Variants in ABL1 observed in about 807,000 individuals in gnomAD.
The protein encoded by ABL1 is tyrosine-protein kinase ABL1.
In ABL1, 11 loss-of-function variants were observed where a neutral mutation model predicts 94.7. That is an observed-to-expected ratio of 0.12 (90% CI 0.07 to 0.19). The LOEUF (loss-of-function observed/expected upper bound fraction) is 0.19. ABL1 is among the 10% of genes least tolerant of loss of function. The pLI is 1.00. For missense variants in ABL1, 1,082 were observed against 1,489.4 expected (o/e 0.73, Z 4.50); for synonymous variants, 656 against 622.4 (o/e 1.05, Z -0.80).
At chr9:130,848,435 G>A (rs1045718756) in intron 1 of ABL1, among the ~76,000 whole-genome samples, 13 of 138,130 alleles carry the variant, frequency 9.4e-5, no homozygotes, top group Non-Finnish European at 6.3e-5. Context: ...GGAGAATCAC[G>A]TGAACCTGGG....
chr9:130,769,387 A>G (rs887751876), intron 1 of ABL1, among the ~76,000 whole-genome samples: 3 of 128,288 alleles, frequency 2.3e-5, no homozygotes, highest in African/African-American at 9.1e-5. Context: ...GCTGGAGTGC[A>G]ATGGTGCTAT....
intron 1 of ABL1, among the ~76,000 whole-genome samples, chr9:130,778,808 A>G (rs1213143363): frequency 6.6e-6 from 1 of 151,950 alleles, no homozygotes; most frequent in African/African-American, 2.4e-5. Context: ...TCAGTCCACC[A>G]TCTTGACCGG....
intron 1 of ABL1, among the ~76,000 whole-genome samples, chr9:130,853,664 C>G (rs1830924183): frequency 6.6e-6 from 1 of 152,186 alleles, no homozygotes; most frequent in South Asian, 2.1e-4. Context: ...ATCCACCCAC[C>G]TTGGCCTCCC....
chr9:130,748,854 G>A (rs1158615062), intron 1 of ABL1, among the ~76,000 whole-genome samples: 1 of 152,184 alleles, frequency 6.6e-6, no homozygotes, highest in African/African-American at 2.4e-5. Flanking sequence ...TGGGATTGCA[G>A]GCGTGAGCCA....
chr9:130,719,045 A>T (rs139973969), intron 1 of ABL1, among the ~76,000 whole-genome samples: 1 of 152,156 alleles, frequency 6.6e-6, no homozygotes, highest in East Asian at 1.9e-4. Context: ...TTGTAAAACA[A>T]AAATATCTGT....
intron 1 of ABL1, among the ~76,000 whole-genome samples, chr9:130,815,290 T>C (rs1159039393): frequency 3.3e-5 from 5 of 151,262 alleles, no homozygotes; most frequent in South Asian, 2.1e-4. Flanking sequence ...GCTGAGATCA[T>C]GCCACCGCAC....
chr9:130,808,652 A>T (rs1187274517), intron 1 of ABL1, among the ~76,000 whole-genome samples: 2 of 152,208 alleles, frequency 1.3e-5, no homozygotes, highest in East Asian at 3.8e-4. Flanking sequence ...AAAATAAGAC[A>T]GTTTCACCTT....
chr9:130,749,546 A>G (rs1048010612), intron 1 of ABL1, among the ~76,000 whole-genome samples: 11 of 152,202 alleles, frequency 7.2e-5, no homozygotes, highest in Admixed American at 4.6e-4. Context: ...GACTTGATCA[A>G]ACATTTACTG....
chr9:130,861,972 G>T (rs1443131107), intron 3 of ABL1, among the ~76,000 whole-genome samples: 1 of 152,178 alleles, frequency 6.6e-6, no homozygotes, highest in African/African-American at 2.4e-5. Context: ...AACTCTACAT[G>T]CAGGGTTTGA....
intron 1 of ABL1, among the ~76,000 whole-genome samples, chr9:130,802,046 G>A (rs540819190): frequency 2.0e-5 from 3 of 149,992 alleles, no homozygotes; most frequent in Admixed American, 6.6e-5. Flanking sequence ...ACTGGAACAC[G>A]TGACATTATG....
chr9:130,876,161 G>A (rs1473138353), intron 7 of ABL1, among the ~76,000 whole-genome samples: 4 of 151,630 alleles, frequency 2.6e-5, no homozygotes, highest in Admixed American at 2.0e-4. Context: ...TTTTTGTGGG[G>A]GTTTTTTTTT....
intron 1 of ABL1, among the ~76,000 whole-genome samples, chr9:130,804,422 A>G (rs1379537533): frequency 6.6e-6 from 1 of 152,162 alleles, no homozygotes. Flanking sequence ...CCCCGTCTCT[A>G]CTAAAAATAC....
chr9:130,883,707 G>C (rs1485115082), intron 10 of ABL1, among the ~76,000 whole-genome samples: 1 of 152,166 alleles, frequency 6.6e-6, no homozygotes, highest in East Asian at 1.9e-4. Context: ...CCAGCTAGCC[G>C]AGAGGCCTAT....
At chr9:130,812,035 G>A (rs1830216221) in intron 1 of ABL1, among the ~76,000 whole-genome samples, 1 of 150,436 alleles carries the variant, frequency 6.6e-6, no homozygotes, top group African/African-American at 2.4e-5. Context: ...GAAACAAAGA[G>A]CAAGATGGTA....
intron 1 of ABL1, among the ~76,000 whole-genome samples, chr9:130,730,997 TC>T (rs1831657742): frequency 7.8e-6 from 1 of 127,746 alleles, no homozygotes; most frequent in Non-Finnish European, 1.7e-5. Context: ...ACTCTATCTC[TC>T]TTTTTTTTTT....
Position 130,772,971 on chromosome 9 carries a change from T to C in ABL1, c.136+58516T>C, listed in dbSNP as rs1298915077. Among the ~76,000 whole-genome samples the C allele has an allele frequency of 2.0e-5, 3 of 152,342 alleles. No homozygotes were observed. In the East Asian group the frequency reaches 5.8e-4, roughly 29 times the overall value. On this transcript the variant is annotated intron_variant, in intron 1 of 10. Transcript: ENST00000372348. Reference sequence around the variant, plus strand: ...ATCCCTAAAATATAATAAACATCTTTTTAATGAATAGCTGAACTTGCAAGA... The same window carrying C: ...ATCCCTAAAATATAATAAACATCTTCTTAATGAATAGCTGAACTTGCAAGA...
chr9:130,841,316 C>T (rs761623660), intron 1 of ABL1, among the ~76,000 whole-genome samples: 6 of 151,598 alleles, frequency 4.0e-5, no homozygotes, highest in Non-Finnish European at 8.8e-5. Context: ...ACCATGTTAG[C>T]CAGGATGGTC....
In ABL1 at chr9:130,862,595, G is replaced by A. The variant is rs941869075; in HGVS notation, c.550-168G>A. Among the ~76,000 whole-genome samples the A allele has an allele frequency of 2.6e-5, 4 of 152,216 alleles. No homozygotes were observed. The highest frequency in any genetic ancestry group is 2.1e-4 in the South Asian group (1 of 4,824). On this transcript the variant is annotated intron_variant, in intron 3 of 10. Transcript: ENST00000318560. This position sits in a 1 kb window ranked among gnomAD's most constrained non-coding sequence, Gnocchi z 5.5. ...CTTGAGCGAGTAACTTAGAGCACACGTAGAGAAAGACAGCAGAAGTGATCT... is the reference window on the plus strand; with the variant it reads ...CTTGAGCGAGTAACTTAGAGCACACATAGAGAAAGACAGCAGAAGTGATCT...
chr9:130,801,515 C>G (rs1830054144), intron 1 of ABL1, among the ~76,000 whole-genome samples: 1 of 152,206 alleles, frequency 6.6e-6, no homozygotes. Context: ...CGTGAGCCAC[C>G]AAGCCCAGCT....
Sources: allele counts gnomAD v4.1 joint callset (sites outside exome capture counted in the v4.1 genomes callset), GRCh38; gene constraint gnomAD v4.1.1; non-coding constraint Gnocchi (gnomAD v3.1); transcripts MANE v1.5; gene names NCBI Gene and HGNC (gene_info 2026-07-23, HGNC 2026-07-21).